The following SKA1 variants were observed in gnomAD, a reference collection of about 807,000 sequenced individuals.
SKA1 encodes the protein spindle and kinetochore associated complex subunit 1.
A neutral mutation model predicts 31.8 loss-of-function variants in SKA1; 20 were observed. The ratio of observed to expected loss-of-function variants is 0.63; its 90% CI spans 0.44 to 0.91. The LOEUF is 0.91. SKA1 is among the 40% of genes least tolerant of loss of function. The pLI is 0.00. For synonymous variants in SKA1, 88 were observed against 100.5 expected (o/e 0.88, Z 0.74); for missense variants, 253 against 298.2 (o/e 0.85, Z 1.12).
At chr18:50,385,151 A>G in intron 4 of SKA1, 65 bp from the exon 5 acceptor site, 2 of 1,340,914 alleles carry the variant, frequency 1.5e-6, no homozygotes. Context: ...TTCAGTTGGG[A>G]AAACTGTCAG....
At chr18:50,377,161 A>G (rs1304884289) in intron 2 of SKA1, among the ~76,000 whole-genome samples, 2 of 152,148 alleles carry the variant, frequency 1.3e-5, no homozygotes, top group Non-Finnish European at 1.5e-5. Context: ...ACATAATTGT[A>G]TGTGCTGTAC....
In SKA1 at chr18:50,380,006, A is replaced by G. The variant is rs890365974; in HGVS notation, c.89-120A>G. The G allele has an allele frequency of 3.7e-5, 28 of 757,862 alleles. No individual in the cohort carries two copies. In the Admixed American group the frequency reaches 9.2e-4, roughly 25 times the overall value. 46.9% of individuals were successfully genotyped at this position (757,862 alleles called of 1,614,324 possible). ...GGAGTCATTTTCTAGGGGCTAAAGCAGTAGACCTTTTTCCACCCCTCTCTA... is the reference window on the plus strand; with the variant it reads ...GGAGTCATTTTCTAGGGGCTAAAGCGGTAGACCTTTTTCCACCCCTCTCTA... On this transcript the variant is annotated intron_variant, in intron 2 of 6. Transcript: ENST00000285116.
At chr18:50,391,978 T>G (rs1452349999) in intron 6 of SKA1, 121 bp from the exon 7 acceptor site, 1 of 654,846 alleles carries the variant, frequency 1.5e-6, no homozygotes, top group African/African-American at 1.9e-5. Context: ...TACTAGTTCT[T>G]GGTTTTATTG....
At chr18:50,375,438 A>G (rs1332973176) in intron 1 of SKA1, among the ~76,000 whole-genome samples, 1 of 152,188 alleles carries the variant, frequency 6.6e-6, no homozygotes, top group African/African-American at 2.4e-5. Flanking sequence ...AGGAAAAATG[A>G]TTACCTGGGC....
chr18:50,386,402 T>C (rs1316003550), intron 5 of SKA1, among the ~76,000 whole-genome samples: 1 of 152,212 alleles, frequency 6.6e-6, no homozygotes, highest in Admixed American at 6.5e-5. Flanking sequence ...TGTTGTTTTA[T>C]TTAATAAAGT....
chr18:50,380,138 C>G lies in SKA1; in HGVS notation c.101C>G (p.Thr34Ser), dbSNP rs2041251801. 6.5e-7 allele frequency: 1 copy of G among 1,532,286 alleles called. No homozygotes were observed. Among genetic ancestry groups the G allele is most frequent in the African/African-American group, 1.4e-5 (1 of 69,248 alleles). The allele number at this position is 1,532,286 out of a possible 1,614,324, so 94.9% of individuals were successfully genotyped here. A position where few individuals can be genotyped will look rare whatever the true frequency, so the allele number is the denominator to read the frequency against. The change falls in exon 3 of 7, where the codon ACC (threonine) becomes AGC (serine). Residue 34 changes from threonine to serine, a missense_variant. Thr to Ser is a moderately conservative substitution (Grantham distance 58). Transcript: ENST00000285116. The stretch of plus-strand genomic sequence containing the variant: ...TTGTTTATAACAGGCCAGGAACCTA[C>G]CTTGAAAACTGTATTAAATAAAATA... The part of the protein sequence containing the change: ...LSLRNCGQEP[T>S]LKTVLNKIGD...
At position 50,393,255 on chromosome 18, in the gene SKA1, A is replaced by C. The variant is rs2041374804; in HGVS notation, c.*1008A>C. 6.5e-6 allele frequency: 1 copy of C among 152,746 alleles called. No homozygotes were observed. The allele number at this position is 152,746 out of a possible 1,614,324, so 9.5% of individuals were successfully genotyped here. ...AACCTAGGAGGTGGAGGTTGCAGTG[A>C]GCCGAGATCGTGCCACTGCACTCCA... On this transcript the variant is annotated 3_prime_UTR_variant, in exon 7 of 7. Coordinates refer to ENST00000285116, the MANE Select transcript of SKA1 (RefSeq NM_145060.4).
In SKA1 at chr18:50,392,352, CTTTTT is replaced by C. The variant is rs375763517; in HGVS notation, c.*115_*119del. The C allele has an allele frequency of 8.7e-6, 5 of 571,476 alleles. No individual in the cohort carries two copies. The highest frequency in any genetic ancestry group is 1.2e-5 in the Non-Finnish European group (5 of 407,646). 35.4% of individuals were successfully genotyped at this position (571,476 alleles called of 1,614,324 possible). ...TTTAACTTTTAATCTTTTTTGTTTC[CTTTTT>C]TTTTTTTTTGAGACAGGATCTTGCT... On this transcript the variant is annotated 3_prime_UTR_variant, in exon 7 of 7. Transcript: ENST00000285116.
At chr18:50,389,371 C>CTTTTTTTTTTT (rs2041337634) in intron 5 of SKA1, among the ~76,000 whole-genome samples, 3 of 127,062 alleles carry the variant, frequency 2.4e-5, no homozygotes, top group Non-Finnish European at 4.7e-5. Context: ...TTTCCTTTAC[C>CTTTTTTTTTTT]TTTCTTTTTT....
intron 5 of SKA1, 130 bp from the exon 6 acceptor site, chr18:50,390,994 A>G (rs1046351390): frequency 3.1e-5 from 18 of 574,100 alleles, no homozygotes; most frequent in African/African-American, 2.5e-4. Context: ...GGAAGTTGAT[A>G]TAAGATTGTT....
At chr18:50,387,561 T>A (rs987208309) in intron 5 of SKA1, among the ~76,000 whole-genome samples, 1 of 152,224 alleles carries the variant, frequency 6.6e-6, no homozygotes, top group African/African-American at 2.4e-5. Flanking sequence ...TTTGTATTTC[T>A]CTTTGCATTT....
At chr18:50,386,248 A>G (rs934081513) in intron 5 of SKA1, among the ~76,000 whole-genome samples, 2 of 152,210 alleles carry the variant, frequency 1.3e-5, no homozygotes, top group Admixed American at 1.3e-4. Context: ...ATTGTTATAA[A>G]TAATGGTACA....
intron 2 of SKA1, among the ~76,000 whole-genome samples, chr18:50,377,132 A>G (rs996961533): frequency 2.6e-5 from 4 of 152,182 alleles, no homozygotes; most frequent in Non-Finnish European, 5.9e-5. Context: ...ACCATTTATT[A>G]TCAATTATTA....
chr18:50,387,208 G>T (rs1185613944), intron 5 of SKA1, among the ~76,000 whole-genome samples: 1 of 152,182 alleles, frequency 6.6e-6, no homozygotes, highest in Non-Finnish European at 1.5e-5. Flanking sequence ...CACTCTAATA[G>T]GTGTATAGTG....
chr18:50,386,229 G>T (rs749514741), intron 5 of SKA1, among the ~76,000 whole-genome samples: 9 of 152,012 alleles, frequency 5.9e-5, no homozygotes, highest in Non-Finnish European at 1.0e-4. Flanking sequence ...ACATATTTGG[G>T]TTGACTTTAT....
chr18:50,393,043 C>G lies in SKA1; in HGVS notation c.*796C>G, dbSNP rs1292225517. 2 of 152,326 alleles carry G rather than the reference C, an allele frequency of 1.3e-5. No homozygotes were observed. The highest frequency in any genetic ancestry group is 4.8e-5 in the African/African-American group (2 of 41,454). 9.4% of individuals were successfully genotyped at this position (152,326 alleles called of 1,614,324 possible). On this transcript the variant is annotated 3_prime_UTR_variant, in exon 7 of 7. Coordinates refer to ENST00000285116, the MANE Select transcript of SKA1 (RefSeq NM_145060.4). ...CGCGCCCGGCCAACTTATATATTTT[C>G]AAGATTCACCTCCTCTCACCAAATA...
chr18:50,378,932 G>C (rs1387274061), intron 2 of SKA1, among the ~76,000 whole-genome samples: 1 of 151,926 alleles, frequency 6.6e-6, no homozygotes, highest in Non-Finnish European at 1.5e-5. Context: ...CATTTACTGA[G>C]TATTACGTTC....
At chr18:50,391,455 T>G (rs997971150) in intron 6 of SKA1, among the ~76,000 whole-genome samples, 162 bp downstream of exon 6, 1 of 152,232 alleles carries the variant, frequency 6.6e-6, no homozygotes, top group Admixed American at 6.5e-5. Context: ...GGAGACATTT[T>G]TGGTTGTTAC....
intron 2 of SKA1, among the ~76,000 whole-genome samples, chr18:50,377,041 C>CG (rs2041223390): frequency 6.7e-6 from 1 of 149,404 alleles, no homozygotes; most frequent in Non-Finnish European, 1.5e-5. Flanking sequence ...TTACAGTTAA[C>CG]TTTTTTTTTT....
Sources: allele counts gnomAD v4.1 joint callset (sites outside exome capture counted in the v4.1 genomes callset), GRCh38; gene constraint gnomAD v4.1.1; transcripts MANE v1.5; gene names NCBI Gene and HGNC (gene_info 2026-07-23, HGNC 2026-07-21).